The following SPECC1 variants were observed in gnomAD, a reference collection of about 807,000 sequenced individuals.
SPECC1 encodes the protein sperm antigen with calponin homology and coiled-coil domains 1, also known as cytospin-B.
In SPECC1, 62 loss-of-function variants were observed where a neutral mutation model predicts 104.1. The observed-to-expected ratio is 0.60, with a 90% CI of 0.49 to 0.74. The LOEUF (loss-of-function observed/expected upper bound fraction) is 0.74. Among genes scored for constraint, SPECC1 ranks in the 30% least tolerant of loss-of-function variants. SPECC1 has a pLI of 0.00. For synonymous variants in SPECC1, 513 were observed against 501.6 expected (o/e 1.02, Z -0.30); for missense variants, 1,306 against 1,310.5 (o/e 1.00, Z 0.05).
chr17:20,044,272 C>CAAG (rs1176465938), intron 1 of SPECC1, among the ~76,000 whole-genome samples: 1 of 152,106 alleles, frequency 6.6e-6, no homozygotes, highest in Non-Finnish European at 1.5e-5. Context: ...AAGGCTATAA[C>CAAG]AAGATCTGAG....
chr17:20,216,303 A>G (rs996181237), intron 4 of SPECC1, among the ~76,000 whole-genome samples: 2 of 152,092 alleles, frequency 1.3e-5, no homozygotes, highest in African/African-American at 4.8e-5. Context: ...AGGAGCACTC[A>G]TCTGGAGATG....
At position 20,315,222 on chromosome 17, in the gene SPECC1, C is replaced by T. The variant is rs2042025020; in HGVS notation, c.*1157C>T. 1 of 232,796 alleles carries T rather than the reference C, an allele frequency of 4.3e-6. No homozygotes were observed. Among genetic ancestry groups the T allele is most frequent in the Non-Finnish European group, 8.5e-6 (1 of 117,744 alleles). The allele number at this position is 232,796 out of a possible 1,614,324, so 14.4% of individuals were successfully genotyped here. A position where few individuals can be genotyped will look rare whatever the true frequency, so the allele number is the denominator to read the frequency against. ...CTCTGGACTGATTTGGCCTTTAGTG[C>T]TTCCCCAGGCCTCTTTCATCGGCAT... is the stretch of plus-strand genomic sequence containing the variant. On this transcript the variant is annotated 3_prime_UTR_variant, in exon 15 of 15. Transcript: ENST00000395527.
At chr17:20,092,217 C>T (rs933032242) in intron 1 of SPECC1, among the ~76,000 whole-genome samples, 5 of 148,884 alleles carry the variant, frequency 3.4e-5, no homozygotes, top group African/African-American at 1.2e-4. Context: ...CCCCACCCCA[C>T]CATGGGTGTG....
intron 3 of SPECC1, among the ~76,000 whole-genome samples, chr17:20,130,527 C>G (rs1208236817): frequency 6.6e-6 from 1 of 152,042 alleles, no homozygotes; most frequent in Non-Finnish European, 1.5e-5. Flanking sequence ...AGAGCGAGAC[C>G]CTGTCTCTAT....
chr17:20,097,226 G>A (rs2047694184), intron 2 of SPECC1, among the ~76,000 whole-genome samples: 1 of 152,132 alleles, frequency 6.6e-6, no homozygotes, highest in African/African-American at 2.4e-5. Context: ...GTTCTCCTCT[G>A]GTTTTCTCCT....
chr17:20,246,189 T>G lies in SPECC1; in HGVS notation c.2497+118T>G, dbSNP rs1168912192. On this transcript the variant is annotated intron_variant, in intron 8 of 14. Coordinates refer to ENST00000395527, the MANE Select transcript of SPECC1 (RefSeq NM_001243439.2). ...GTGTTGTTACAACCACAAGGGCGCTTTCCAGGTCCTACCACGTGCAGCCAC... is the reference window on the plus strand; with the variant it reads ...GTGTTGTTACAACCACAAGGGCGCTGTCCAGGTCCTACCACGTGCAGCCAC... The G allele has an allele frequency of 9.6e-6, 12 of 1,249,236 alleles. No individual in the cohort carries two copies. The Admixed American group carries it at 2.5e-4, about 26-fold the overall frequency. The allele number at this position is 1,249,236 out of a possible 1,614,324, so 77.4% of individuals were successfully genotyped here. A position where few individuals can be genotyped will look rare whatever the true frequency, so the allele number is the denominator to read the frequency against.
At chr17:20,101,870 T>C (rs900631210) in intron 2 of SPECC1, among the ~76,000 whole-genome samples, 9 of 152,176 alleles carry the variant, frequency 5.9e-5, no homozygotes, top group African/African-American at 2.2e-4. Context: ...AACGACCAGA[T>C]TATGTTATGT....
chr17:20,270,656 A>G (rs2040379282), intron 12 of SPECC1, among the ~76,000 whole-genome samples: 1 of 151,902 alleles, frequency 6.6e-6, no homozygotes, highest in Non-Finnish European at 1.5e-5. Flanking sequence ...GATGATGAAT[A>G]TCACTTACCA....
chr17:20,189,898 A>G (rs1392978114), intron 3 of SPECC1, among the ~76,000 whole-genome samples: 1 of 152,236 alleles, frequency 6.6e-6, no homozygotes, highest in Non-Finnish European at 1.5e-5. Context: ...TCATCTTTAC[A>G]CATTGACACT....
chr17:20,165,207 C>T (rs906190251), intron 3 of SPECC1, among the ~76,000 whole-genome samples: 1 of 138,834 alleles, frequency 7.2e-6, no homozygotes, highest in Non-Finnish European at 1.5e-5. Flanking sequence ...CTACTACCCC[C>T]GCCCTGACAG....
At chr17:20,280,450 A>C (rs2040727435) in intron 12 of SPECC1, among the ~76,000 whole-genome samples, 1 of 152,218 alleles carries the variant, frequency 6.6e-6, no homozygotes, top group Non-Finnish European at 1.5e-5. Flanking sequence ...TGGTCTCTAC[A>C]CTGAAACTGT....
intron 5 of SPECC1, among the ~76,000 whole-genome samples, chr17:20,227,973 G>T (rs1052877971): frequency 2.6e-5 from 4 of 152,230 alleles, no homozygotes; most frequent in Admixed American, 6.5e-5. Flanking sequence ...ACGAGGGGGG[G>T]TGGGTTTGAC....
chr17:20,198,288 A>T (rs1368793370), intron 3 of SPECC1, among the ~76,000 whole-genome samples: 2 of 152,154 alleles, frequency 1.3e-5, no homozygotes, highest in African/African-American at 4.8e-5. Flanking sequence ...TGCCCTGAGT[A>T]ACAGAAAAGA....
intron 2 of SPECC1, among the ~76,000 whole-genome samples, chr17:20,098,407 C>T (rs754552827): frequency 6.6e-6 from 1 of 152,224 alleles, no homozygotes; most frequent in Non-Finnish European, 1.5e-5. Context: ...TGCCCCCACC[C>T]TTCTGTGCCC....
In SPECC1 at chr17:20,152,589, GCCA is replaced by G. The variant is rs2032107368; in HGVS notation, c.283+42031_283+42033del. ...TGAGGAGTCTTCTTGGCTTATACATGCCACCATCTCACTGTGACCTCACATAAC... is the reference window on the plus strand; with the variant it reads ...TGAGGAGTCTTCTTGGCTTATACATGCCATCTCACTGTGACCTCACATAAC... On this transcript the variant is annotated intron_variant, in intron 3 of 14. Transcript: ENST00000395527. 2.6e-5 allele frequency among the ~76,000 whole-genome samples: 4 copies of G among 152,324 alleles called. No homozygotes were observed. The South Asian group carries it at 8.3e-4, about 32-fold the overall frequency.
Position 20,101,721 on chromosome 17 carries a change from G to A in SPECC1, c.147+4923G>A, listed in dbSNP as rs868868923. ...GGCTTAAGCTTGCTTCAGCAGAAAA[G>A]GAATGTACTGAGCAGATCCTAAGGC... is the stretch of plus-strand genomic sequence containing the variant. On this transcript the variant is annotated intron_variant, in intron 2 of 14. Coordinates refer to ENST00000395527, the MANE Select transcript of SPECC1 (RefSeq NM_001243439.2). Among the ~76,000 whole-genome samples, 12 of 152,324 alleles carry A rather than the reference G, an allele frequency of 7.9e-5. 1 individual carries two copies. The South Asian group carries it at 1.0e-3, about 13-fold the overall frequency.
chr17:20,081,611 G>T (rs1354449235), intron 1 of SPECC1, among the ~76,000 whole-genome samples: 1 of 152,128 alleles, frequency 6.6e-6, no homozygotes, highest in African/African-American at 2.4e-5. Context: ...TTAGCCAGGT[G>T]GAGGGAGAGG....
In SPECC1 at chr17:20,246,027, C is replaced by CCACCGTTAAGTCACTTAT; in HGVS notation, c.2456_2473dup (p.Thr819_Ile824dup). 6.2e-7 allele frequency: 1 copy of CCACCGTTAAGTCACTTAT among 1,614,210 alleles called. No individual in the cohort carries two copies. The highest frequency in any genetic ancestry group is 1.6e-4 in the Middle Eastern group (1 of 6,062). ...TCTCCAACACCCCCAGAGTCGGCAA[C>CCACCGTTAAGTCACTTAT]CACCGTTAAGTCACTTATCAAGTCA... On this transcript the variant is annotated inframe_insertion, in exon 8 of 15. Transcript: ENST00000395527.
intron 12 of SPECC1, among the ~76,000 whole-genome samples, chr17:20,286,633 C>T (rs760580897): frequency 2.6e-5 from 4 of 152,172 alleles, no homozygotes; most frequent in African/African-American, 7.2e-5. Context: ...ACTTGCCCGG[C>T]CACCCATGTC....
Sources: gnomAD v4.1 joint callset for allele counts (sites outside exome capture counted in the v4.1 genomes callset) on GRCh38, gnomAD v4.1.1 for gene constraint, MANE v1.5 for transcripts, NCBI Gene and HGNC (gene_info 2026-07-23, HGNC 2026-07-21) for gene names.